The following MPND variants were observed in gnomAD, a reference collection of about 807,000 sequenced individuals.
MPND encodes MPN domain containing, also known as MPN domain-containing protein.
Under a neutral mutation model 59.2 loss-of-function variants are expected in MPND, and 56 were observed. That is an observed-to-expected ratio of 0.95 (90% CI 0.76 to 1.18). MPND has a LOEUF of 1.18. Among genes scored for constraint, MPND ranks in the 50% most tolerant of loss-of-function variants. The probability of loss-of-function intolerance (pLI) is 0.00; values close to 1 mark genes in which losing one functional copy is unlikely to be tolerated. For synonymous variants in MPND, 323 were observed against 291.9 expected (o/e 1.11, Z -1.09); for missense variants, 671 against 676.0 (o/e 0.99, Z 0.08).
In MPND at chr19:4,359,181, T is replaced by C. The variant is rs1246104819; in HGVS notation, c.1345T>C (p.Tyr449His). The C allele has an allele frequency of 6.2e-7, 1 of 1,613,270 alleles. No individual in the cohort carries two copies. ...CCTGTAGATGCTGCTGGTGGAGTTCTACAAGGGTTCCCCTGACCTCGTGAG... is the reference window on the plus strand; with the variant it reads ...CCTGTAGATGCTGCTGGTGGAGTTCCACAAGGGTTCCCCTGACCTCGTGAG... ...LHEMMLLVEF[Y>H]KGSPDLVRLQ... The change falls in exon 12 of 13, where the codon TAC (tyrosine) becomes CAC (histidine). Residue 449 changes from tyrosine to histidine, a missense_variant. By Grantham distance (83) the Tyr-to-His change is moderately conservative. Transcript: ENST00000599840.
rs897413960 is a variant in MPND at position 4,343,919 on chromosome 19, C to T, written c.219C>T (p.Arg73=). The part of the protein sequence containing the change: ...CGGPGGALTR[R]AVTLRVLLKD... ...GGCCCGGGGGCGCGCTCACCAGGCG[C>T]GCGGTCACACTGCGGGTGCTCCTCA... The change falls in exon 2 of 13, where the codon CGC becomes CGT. Residue 73 remains arginine, a synonymous_variant. Coordinates refer to ENST00000599840, the MANE Select transcript of MPND (RefSeq NM_001300862.2). 2 of 1,301,144 alleles carry T rather than the reference C, an allele frequency of 1.5e-6. No individual in the cohort carries two copies. The highest frequency in any genetic ancestry group is 2.4e-5 in the South Asian group (1 of 40,866). The allele number at this position is 1,301,144 out of a possible 1,614,324, so 80.6% of individuals were successfully genotyped here. A position where few individuals can be genotyped will look rare whatever the true frequency, so the allele number is the denominator to read the frequency against.
Position 4,345,887 on chromosome 19 carries a change from C to T in MPND, c.437C>T (p.Ala146Val). 6.2e-7 allele frequency: 1 copy of T among 1,613,968 alleles called. No homozygotes were observed. Among genetic ancestry groups the T allele is most frequent in the Non-Finnish European group, 8.5e-7 (1 of 1,180,032 alleles). ...GCCAAGAAGTCGGGCTGTGGCTGGG[C>T]CTCTGTCAAGTACAAAGGCCAGAAA... is the stretch of plus-strand genomic sequence containing the variant. ...NPAKKSGCGW[A>V]SVKYKGQKLD... Residue 146 changes from alanine to valine, a missense_variant, in exon 3 of 13, where the codon GCC becomes GTC. Transcript: ENST00000599840.
rs766404757 is a variant in MPND at position 4,355,119 on chromosome 19, C to T, written c.942C>T (p.Phe314=). 16 of 1,613,724 alleles carry T rather than the reference C, an allele frequency of 9.9e-6. No individual in the cohort carries two copies. Among genetic ancestry groups the T allele is most frequent in the Non-Finnish European group, 1.4e-5 (16 of 1,180,010 alleles). ...NSQMLTVLRA[F]PCRSRLGDAE... ...CAGTGCTGACGGTGCTCAGAGCCTT[C>T]CCTTGTCGGAGCCGGCTCGGGGACG... is the stretch of plus-strand genomic sequence containing the variant. The change falls in exon 8 of 13, where the codon TTC becomes TTT. Residue 314 remains phenylalanine, a synonymous_variant. Coordinates refer to ENST00000599840, the MANE Select transcript of MPND (RefSeq NM_001300862.2).
chr19:4,347,805 C>T (rs1226708088), intron 3 of MPND: 11 of 398,016 alleles, frequency 2.8e-5, no homozygotes, highest in South Asian at 2.0e-4. Context: ...CATGATCCTC[C>T]TTAGTCAGTC....
rs781153942 is a variant in MPND at position 4,357,593 on chromosome 19, G to A, written c.1236+8G>A. On this transcript the variant is annotated splice_region_variant and intron_variant, in intron 10 of 12. Transcript: ENST00000599840. ...GTGATGCCTCCTCCCGAGGTAGGTGGGGCTGTTGGGAGAGCCTGGGGGGCC... is the reference window on the plus strand; with the variant it reads ...GTGATGCCTCCTCCCGAGGTAGGTGAGGCTGTTGGGAGAGCCTGGGGGGCC... 23 of 1,606,216 alleles carry A rather than the reference G, an allele frequency of 1.4e-5. No homozygotes were observed. Among genetic ancestry groups the A allele is most frequent in the Non-Finnish European group, 1.8e-5 (21 of 1,176,418 alleles).
At chr19:4,356,428 C>A (rs2144836630) in intron 8 of MPND, among the ~76,000 whole-genome samples, 1 of 152,176 alleles carries the variant, frequency 6.6e-6, no homozygotes, top group Middle Eastern at 3.4e-3. Context: ...ACCTGTAGTC[C>A]CATCTATTTG....
At chr19:4,352,396 C>T (rs1291924779) in intron 3 of MPND, among the ~76,000 whole-genome samples, 3 of 151,982 alleles carry the variant, frequency 2.0e-5, no homozygotes, top group Non-Finnish European at 2.9e-5. Flanking sequence ...TTATAAAATG[C>T]GAGGTGAGCC....
chr19:4,354,823 C>A, intron 6 of MPND, 126 bp from the exon 7 acceptor site: 2 of 947,320 alleles, frequency 2.1e-6, no homozygotes, highest in Middle Eastern at 5.9e-4. Flanking sequence ...AAGATCGTGC[C>A]ACTGCCCTCC....
At chr19:4,357,885 C>T (rs1167128831) in intron 10 of MPND, 198 bp from the exon 11 acceptor site, 7 of 610,120 alleles carry the variant, frequency 1.1e-5, no homozygotes. Context: ...ATTTCAGGGC[C>T]CTGGCTCTCC....
In MPND at chr19:4,345,726, C is replaced by T. The variant is rs754233963; in HGVS notation, c.295-19C>T. 8.1e-6 allele frequency: 13 copies of T among 1,612,428 alleles called. No homozygotes were observed. Among genetic ancestry groups the T allele is most frequent in the African/African-American group, 1.3e-5 (1 of 74,896 alleles). On this transcript the variant is annotated intron_variant, in intron 2 of 12. Coordinates refer to ENST00000599840, the MANE Select transcript of MPND (RefSeq NM_001300862.2). ...GGTGGGTGTTGGTCCTGGGCCCAGC[C>T]AGCTGACTGTCACTGCAGGGGAAGA...
rs1170886118 is a variant in MPND, at chr19:4,344,011, C to T, written c.294+17C>T. 2.3e-6 allele frequency: 3 copies of T among 1,306,362 alleles called. No individual in the cohort carries two copies. Among genetic ancestry groups the T allele is most frequent in the Non-Finnish European group, 1.9e-6 (2 of 1,029,388 alleles). The allele number at this position is 1,306,362 out of a possible 1,614,324, so 80.9% of individuals were successfully genotyped here. On this transcript the variant is annotated intron_variant, in intron 2 of 12. Coordinates refer to ENST00000599840, the MANE Select transcript of MPND (RefSeq NM_001300862.2). ...TACTACCTGGTGAGCACCCCGCCTC[C>T]CTCGTCCCATCGCGGCTCGGGCAGG...
chr19:4,354,218 G>C (rs1972382616), intron 5 of MPND, 89 bp downstream of exon 5: 22 of 1,509,530 alleles, frequency 1.5e-5, no homozygotes, highest in Non-Finnish European at 2.0e-5. Flanking sequence ...TGGGGGGTGG[G>C]ACAGAGCCTC....
In MPND at chr19:4,351,592, G is replaced by T. The variant is rs927015999; in HGVS notation, c.532-1305G>T. Among the ~76,000 whole-genome samples the T allele has an allele frequency of 2.0e-5, 3 of 152,238 alleles. No individual in the cohort carries two copies. The East Asian group carries it at 5.8e-4, about 29-fold the overall frequency. On this transcript the variant is annotated intron_variant, in intron 3 of 12. Transcript: ENST00000599840. ...AGAATAGACTTGGCGGCCGGGCACGGTGGCTCACGCCTTTAATCCCAGCAC... is the reference window on the plus strand; with the variant it reads ...AGAATAGACTTGGCGGCCGGGCACGTTGGCTCACGCCTTTAATCCCAGCAC...
chr19:4,352,447 G>A (rs897443351), intron 3 of MPND, among the ~76,000 whole-genome samples: 2 of 152,208 alleles, frequency 1.3e-5, no homozygotes, highest in Non-Finnish European at 2.9e-5. Flanking sequence ...CACTTTGGGA[G>A]GCCGAGGTGG....
chr19:4,343,629 C>CGGGGCGTGGGGCTGCA (rs1972116490), intron 1 of MPND, 29 bp downstream of exon 1: 3 of 1,188,512 alleles, frequency 2.5e-6, no homozygotes, highest in African/African-American at 3.2e-5. Flanking sequence ...GGCGGAGGCG[C>CGGGGCGTGGGGCTGCA]GGGGCGCGGG....
intron 2 of MPND, among the ~76,000 whole-genome samples, chr19:4,344,960 T>G (rs1972152108): frequency 6.7e-6 from 1 of 148,414 alleles, no homozygotes; most frequent in Non-Finnish European, 1.5e-5. Context: ...GCCAGGCTGG[T>G]CTTGAACTCC....
chr19:4,351,124 G>T (rs1568397060), intron 3 of MPND, among the ~76,000 whole-genome samples: 1 of 152,140 alleles, frequency 6.6e-6, no homozygotes, highest in Non-Finnish European at 1.5e-5. Flanking sequence ...TATTTTTGTA[G>T]ACAGAGTCTC....
Position 4,358,118 on chromosome 19 carries a change from G to A in MPND, c.1272G>A (p.Val424=), listed in dbSNP as rs1472553435. The change falls in exon 11 of 13, where the codon GTG becomes GTA. Residue 424 remains valine, a synonymous_variant. Transcript: ENST00000599840. Reference sequence around the variant, plus strand: ...GTGACTATGGCATCCCCATGGATGTGGAGATGGCCTACGTCCAGGACAGCT... The same window carrying A: ...GTGACTATGGCATCCCCATGGATGTAGAGATGGCCTACGTCCAGGACAGCT... The part of the protein sequence containing the change: ...RPSDYGIPMD[V]EMAYVQDSFL... The A allele has an allele frequency of 1.3e-6, 2 of 1,551,396 alleles. No individual in the cohort carries two copies. The highest frequency in any genetic ancestry group is 2.7e-5 in the African/African-American group (2 of 73,068).
intron 10 of MPND, 199 bp from the exon 11 acceptor site, chr19:4,357,883 GC>G: frequency 1.6e-6 from 1 of 609,892 alleles, no homozygotes; most frequent in Non-Finnish European, 2.9e-6. Context: ...TCATTTCAGG[GC>G]CCTGGCTCTC....
Sources: allele counts gnomAD v4.1 joint callset (sites outside exome capture counted in the v4.1 genomes callset), GRCh38; gene constraint gnomAD v4.1.1; transcripts MANE v1.5; gene names NCBI Gene and HGNC (gene_info 2026-07-23, HGNC 2026-07-21).